Variants in IGF1R observed in about 807,000 individuals in gnomAD.
The protein encoded by IGF1R is insulin like growth factor 1 receptor.
A neutral mutation model predicts 144.6 loss-of-function variants in IGF1R; 44 were observed. The observed-to-expected ratio is 0.30, with a 90% CI of 0.24 to 0.39. The LOEUF (loss-of-function observed/expected upper bound fraction) is 0.39, where lower values mean the gene tolerates loss of function less well. Among genes scored for constraint, IGF1R ranks in the 10% least tolerant of loss-of-function variants. The pLI, the probability that IGF1R is intolerant of heterozygous loss-of-function variation, is 1.00. For synonymous variants in IGF1R, 795 were observed against 722.8 expected, an observed-to-expected ratio of 1.10 and a Z score of -1.60; for missense variants, 1,355 against 1,833.7, an observed-to-expected ratio of 0.74 and a Z score of 4.77.
chr15:98,783,669 C>A (rs1007700084), intron 2 of IGF1R, among the ~76,000 whole-genome samples: 2 of 152,048 alleles, frequency 1.3e-5, no homozygotes, highest in African/African-American at 4.8e-5. Flanking sequence ...TTGCTCATTG[C>A]CAGTATATAG....
chr15:98,798,855 C>T (rs947443847), intron 2 of IGF1R, among the ~76,000 whole-genome samples: 1 of 152,008 alleles, frequency 6.6e-6, no homozygotes, highest in Non-Finnish European at 1.5e-5. Flanking sequence ...ATAACAGCAA[C>T]GAATATTTAT....
At chr15:98,788,749 AG>A (rs1261078645) in intron 2 of IGF1R, among the ~76,000 whole-genome samples, 1 of 152,218 alleles carries the variant, frequency 6.6e-6, no homozygotes, top group Non-Finnish European at 1.5e-5. Flanking sequence ...ATTCAGCTCC[AG>A]GTGGAGGCTG....
rs535726781 is a variant in IGF1R at position 98,920,463 on chromosome 15, C to T, written c.2202-1685C>T. Among the ~76,000 whole-genome samples, 38 of 152,270 alleles carry T rather than the reference C, an allele frequency of 2.5e-4. 1 individual carries two copies. Among genetic ancestry groups the T allele is most frequent in the South Asian group, 8.3e-4 (4 of 4,826 alleles). On this transcript the variant is annotated intron_variant, in intron 10 of 20. Transcript: ENST00000650285. ...GAGGGGTTTTGACAGAATTATTTTG[C>T]GGTACATCAAACCTAAGCAACTTCT...
intron 2 of IGF1R, among the ~76,000 whole-genome samples, chr15:98,808,487 G>A (rs918408926): frequency 7.2e-5 from 11 of 152,086 alleles, no homozygotes; most frequent in Admixed American, 6.6e-4. Context: ...TGTCACCAGT[G>A]GCATATAGGG....
At chr15:98,942,096 C>T (rs1230099520) in intron 18 of IGF1R, among the ~76,000 whole-genome samples, 1 of 152,096 alleles carries the variant, frequency 6.6e-6, no homozygotes, top group African/African-American at 2.4e-5. Flanking sequence ...ATCTTTTCGG[C>T]ATCTTACTGG....
intron 2 of IGF1R, among the ~76,000 whole-genome samples, chr15:98,863,345 A>G (rs1229860350): frequency 6.6e-6 from 1 of 152,086 alleles, no homozygotes; most frequent in Non-Finnish European, 1.5e-5. Context: ...TTCCTCCATT[A>G]TCATTACTAT....
chr15:98,672,462 C>T lies in IGF1R; in HGVS notation c.94+22787C>T, dbSNP rs13379685. Among the ~76,000 whole-genome samples the T allele has an allele frequency of 6.7e-3, 1,004 of 149,492 alleles. 8 individuals carry two copies. Among genetic ancestry groups the T allele is most frequent in the African/African-American group, 0.023 (952 of 40,670 alleles). On this transcript the variant is annotated intron_variant, in intron 1 of 20. Coordinates refer to ENST00000650285, the MANE Select transcript of IGF1R (RefSeq NM_000875.5). ...GTGTGCGCCTGTAGTCCCAGCTACT[C>T]GGGAGGCTGAGGTGGGAGAATCACT...
At chr15:98,655,478 C>G (rs2052463557) in intron 1 of IGF1R, among the ~76,000 whole-genome samples, 1 of 151,930 alleles carries the variant, frequency 6.6e-6, no homozygotes, top group Non-Finnish European at 1.5e-5. Context: ...CTTACTTGAA[C>G]TGAGAAATAG....
At chr15:98,738,366 C>T (rs753057747) in intron 2 of IGF1R, among the ~76,000 whole-genome samples, 6 of 152,158 alleles carry the variant, frequency 3.9e-5, no homozygotes, top group South Asian at 2.1e-4. Context: ...TCTAAATGAG[C>T]GGGCTTTAAA....
At chr15:98,682,599 G>T (rs1310614906) in intron 1 of IGF1R, among the ~76,000 whole-genome samples, 1 of 152,072 alleles carries the variant, frequency 6.6e-6, no homozygotes. Flanking sequence ...CCAGGCTGGA[G>T]TGCAGTGGCC....
intron 15 of IGF1R, 84 bp downstream of exon 15, chr15:98,930,389 A>T: frequency 1.1e-6 from 1 of 880,484 alleles, no homozygotes; most frequent in Non-Finnish European, 1.9e-6. Flanking sequence ...TTGGGAAAGG[A>T]AGGAGGTTTG....
chr15:98,851,927 C>G (rs2011544261), intron 2 of IGF1R, among the ~76,000 whole-genome samples: 2 of 152,262 alleles, frequency 1.3e-5, no homozygotes, highest in Non-Finnish European at 2.9e-5. Context: ...AACGGGGCAT[C>G]TGATTCACCC....
Position 98,959,152 on chromosome 15 carries a change from C to G in IGF1R, c.*1710C>G, listed in dbSNP as rs1305301245. 4.3e-6 allele frequency: 1 copy of G among 233,322 alleles called. No individual in the cohort carries two copies. The highest frequency in any genetic ancestry group is 6.0e-5 in the East Asian group (1 of 16,594). 14.5% of individuals were successfully genotyped at this position (233,322 alleles called of 1,614,324 possible). A position where few individuals can be genotyped will look rare whatever the true frequency, so the allele number is the denominator to read the frequency against. On this transcript the variant is annotated 3_prime_UTR_variant, in exon 21 of 21. Transcript: ENST00000650285. ...TTTCCACTCACCGTGGTTGAGAAGCCTCACCCTCTCTTTCCCTTGCCTTTG... is the reference window on the plus strand; with the variant it reads ...TTTCCACTCACCGTGGTTGAGAAGCGTCACCCTCTCTTTCCCTTGCCTTTG...
intron 1 of IGF1R, among the ~76,000 whole-genome samples, chr15:98,679,815 T>G (rs999256943): frequency 1.3e-5 from 2 of 152,198 alleles, no homozygotes; most frequent in African/African-American, 4.8e-5. Flanking sequence ...CCGCCTGGGT[T>G]ACTGCCCCTG....
chr15:98,651,546 C>G (rs116073755), intron 1 of IGF1R, among the ~76,000 whole-genome samples: 2,230 of 152,332 alleles, frequency 0.015, 35 homozygotes, highest in African/African-American at 0.051. Context: ...TATAGCTTCT[C>G]TAGTTTTGTG....
chr15:98,772,343 G>A (rs2141374000), intron 2 of IGF1R, among the ~76,000 whole-genome samples: 1 of 151,802 alleles, frequency 6.6e-6, no homozygotes, highest in South Asian at 2.1e-4. Flanking sequence ...ATATACTGTT[G>A]TTTTCAAATT....
At chr15:98,943,648 T>C (rs2016447186) in intron 19 of IGF1R, among the ~76,000 whole-genome samples, 1 of 152,214 alleles carries the variant, frequency 6.6e-6, no homozygotes, top group Non-Finnish European at 1.5e-5. Context: ...CTCTCAGTAG[T>C]ATTGTTTATT....
At chr15:98,866,661 CT>C (rs2012465125) in intron 2 of IGF1R, among the ~76,000 whole-genome samples, 1 of 152,160 alleles carries the variant, frequency 6.6e-6, no homozygotes, top group African/African-American at 2.4e-5. Flanking sequence ...GCTTTCCAGT[CT>C]GACTCAGACC....
chr15:98,796,399 C>T (rs1248812688), intron 2 of IGF1R, among the ~76,000 whole-genome samples: 2 of 152,212 alleles, frequency 1.3e-5, no homozygotes, highest in Non-Finnish European at 2.9e-5. Context: ...GAAGCAAGAA[C>T]TCAGTGGGTG....
Sources: allele counts gnomAD v4.1 joint callset (sites outside exome capture counted in the v4.1 genomes callset), GRCh38; gene constraint gnomAD v4.1.1; transcripts MANE v1.5; gene names NCBI Gene and HGNC (gene_info 2026-07-23, HGNC 2026-07-21).